TMOD3: variants seen among roughly 807,000 people sequenced by gnomAD.
TMOD3 encodes tropomodulin-3.
In TMOD3, 20 loss-of-function variants were observed where a neutral mutation model predicts 39.2. The ratio of observed to expected loss-of-function variants is 0.51; its 90% CI spans 0.36 to 0.74. The LOEUF (loss-of-function observed/expected upper bound fraction) is 0.74, where lower values mean the gene tolerates loss of function less well. TMOD3 is among the 30% of genes least tolerant of loss of function. The probability of loss-of-function intolerance (pLI) is 0.00; values close to 1 mark genes in which losing one functional copy is unlikely to be tolerated. For synonymous variants in TMOD3, 143 were observed against 145.8 expected, an observed-to-expected ratio of 0.98 and a Z score of 0.14; for missense variants, 381 against 412.8, an observed-to-expected ratio of 0.92 and a Z score of 0.67.
chr15:51,842,805 A>G (rs1345120106), intron 1 of TMOD3, among the ~76,000 whole-genome samples: 1 of 152,168 alleles, frequency 6.6e-6, no homozygotes, highest in Admixed American at 6.5e-5. Context: ...TACATTATGC[A>G]AATTTTAGGC....
intron 2 of TMOD3, 128 bp downstream of exon 2, chr15:51,863,138 A>G (rs576484573): frequency 1.0e-6 from 1 of 983,498 alleles, no homozygotes; most frequent in Non-Finnish European, 1.5e-6. Flanking sequence ...TATCCAAATC[A>G]AGTTGCTTTT....
rs1220263151 is a variant in TMOD3, at chr15:51,914,142, TA to T, written c.*5337del. The T allele has an allele frequency of 6.6e-6, 1 of 152,046 alleles. No individual in the cohort carries two copies. The highest frequency in any genetic ancestry group is 2.4e-5 in the African/African-American group (1 of 41,278). The allele number at this position is 152,046 out of a possible 1,614,324, so 9.4% of individuals were successfully genotyped here. A position where few individuals can be genotyped will look rare whatever the true frequency, so the allele number is the denominator to read the frequency against. ...CAAGACCCCATCTTTACAAAAAATTTAAAAATTAGCCAGACACCTATAGTAC... is the reference window on the plus strand; with the variant it reads ...CAAGACCCCATCTTTACAAAAAATTTAAAATTAGCCAGACACCTATAGTAC... On this transcript the variant is annotated 3_prime_UTR_variant, in exon 10 of 10. Coordinates refer to ENST00000308580, the MANE Select transcript of TMOD3 (RefSeq NM_014547.5).
At chr15:51,887,497 A>G (rs1004460963) in intron 3 of TMOD3, 92 bp from the exon 4 acceptor site, 6 of 1,281,486 alleles carry the variant, frequency 4.7e-6, no homozygotes, top group Non-Finnish European at 6.4e-6. Context: ...CTTTTCCTTC[A>G]GGTTCAGTTG....
chr15:51,879,856 T>TCACACACACACGCA (rs2056523893), intron 3 of TMOD3, among the ~76,000 whole-genome samples: 1 of 142,558 alleles, frequency 7.0e-6, no homozygotes, highest in Admixed American at 7.1e-5. Flanking sequence ...TCTCTGTCTT[T>TCACACACACACGCA]CACACACACA....
chr15:51,883,915 A>G (rs2056547110), intron 3 of TMOD3, among the ~76,000 whole-genome samples: 1 of 152,210 alleles, frequency 6.6e-6, no homozygotes, highest in African/African-American at 2.4e-5. Context: ...TTTAATTGTA[A>G]TCTCAACCAC....
chr15:51,859,264 G>A (rs1168524307), intron 1 of TMOD3: 18 of 739,800 alleles, frequency 2.4e-5, no homozygotes, highest in South Asian at 1.2e-4. Flanking sequence ...TTCATTGCTC[G>A]CCAGTAGATC....
At chr15:51,885,492 C>A (rs1383814355) in intron 3 of TMOD3, among the ~76,000 whole-genome samples, 2 of 152,078 alleles carry the variant, frequency 1.3e-5, no homozygotes, top group Non-Finnish European at 2.9e-5. Context: ...GGTGATGACT[C>A]TCAACGAGCA....
At chr15:51,886,751 A>G (rs2056566547) in intron 3 of TMOD3, among the ~76,000 whole-genome samples, 1 of 152,168 alleles carries the variant, frequency 6.6e-6, no homozygotes, top group Non-Finnish European at 1.5e-5. Flanking sequence ...TAGAGTAACT[A>G]GTTTCTTAAT....
At chr15:51,888,222 G>A (rs1033238699) in intron 4 of TMOD3, among the ~76,000 whole-genome samples, 2 of 152,166 alleles carry the variant, frequency 1.3e-5, no homozygotes, top group African/African-American at 2.4e-5. Flanking sequence ...ATCTAGACCA[G>A]TATCTTCCCC....
chr15:51,830,105 GCGCCCGGGTT>G (rs1426320012), intron 1 of TMOD3, among the ~76,000 whole-genome samples: 1 of 152,120 alleles, frequency 6.6e-6, no homozygotes, highest in Non-Finnish European at 1.5e-5. Context: ...CGCGGCCCGG[GCGCCCGGGTT>G]CGGGACCGGC....
At position 51,886,897 on chromosome 15, in the gene TMOD3, T is replaced by C. The variant is rs145662961; in HGVS notation, c.284-692T>C. 6.0e-3 allele frequency among the ~76,000 whole-genome samples: 914 copies of C among 152,290 alleles called. 9 individuals are homozygous for C. The highest frequency in any genetic ancestry group is 0.021 in the African/African-American group (868 of 41,570). On this transcript the variant is annotated intron_variant, in intron 3 of 9. Transcript: ENST00000308580. ...TCATAATTGTCTCTGCTATCCCCCATGTGACAATAACAGTTTGTTGCTTAA... is the reference window on the plus strand; with the variant it reads ...TCATAATTGTCTCTGCTATCCCCCACGTGACAATAACAGTTTGTTGCTTAA...
At chr15:51,878,231 C>G (rs925481190) in intron 3 of TMOD3, among the ~76,000 whole-genome samples, 1 of 152,202 alleles carries the variant, frequency 6.6e-6, no homozygotes, top group African/African-American at 2.4e-5. Context: ...TGGCCAGTGT[C>G]TTGAAAACTG....
rs531338774 is a variant in TMOD3 at position 51,881,433 on chromosome 15, T to C, written c.284-6156T>C. Among the ~76,000 whole-genome samples, 57 of 152,254 alleles carry C rather than the reference T, an allele frequency of 3.7e-4. 1 individual carries two copies. Among genetic ancestry groups the C allele is most frequent in the Middle Eastern group, 6.8e-3 (2 of 294 alleles). On this transcript the variant is annotated intron_variant, in intron 3 of 9. Coordinates refer to ENST00000308580, the MANE Select transcript of TMOD3 (RefSeq NM_014547.5). The stretch of plus-strand genomic sequence containing the variant: ...ATGGTATAATTTGCCCCACAAAAGT[T>C]TTTAATTTTGATGTAGTACAATTTA...
At chr15:51,853,940 T>C (rs916284725) in intron 1 of TMOD3, among the ~76,000 whole-genome samples, 11 of 152,056 alleles carry the variant, frequency 7.2e-5, no homozygotes, top group African/African-American at 2.7e-4. Flanking sequence ...CAGTTGAGGA[T>C]AGAGGTAGAT....
At chr15:51,836,939 A>C (rs2056287742) in intron 1 of TMOD3, among the ~76,000 whole-genome samples, 1 of 152,086 alleles carries the variant, frequency 6.6e-6, no homozygotes, top group Admixed American at 6.6e-5. Context: ...CCTACAAATA[A>C]ACAGTTTCAT....
intron 3 of TMOD3, chr15:51,875,225 G>T (rs2056495984): frequency 6.6e-6 from 1 of 152,112 alleles, no homozygotes; most frequent in African/African-American, 2.4e-5. Context: ...ACATCAAGAG[G>T]ATTACATAAC....
intron 1 of TMOD3, chr15:51,859,089 C>T (rs1288995905): frequency 1.9e-6 from 1 of 513,138 alleles, no homozygotes; most frequent in Non-Finnish European, 3.6e-6. Flanking sequence ...ATCTTGTCTG[C>T]CATCGATGAA....
intron 1 of TMOD3, among the ~76,000 whole-genome samples, chr15:51,845,455 C>A (rs900990964): frequency 6.6e-6 from 1 of 152,160 alleles, no homozygotes; most frequent in Non-Finnish European, 1.5e-5. Context: ...TAGACTTTTT[C>A]TCCTGAAGAA....
At chr15:51,869,112 G>C (rs928279727) in intron 2 of TMOD3, 105 bp from the exon 3 acceptor site, 1 of 1,260,226 alleles carries the variant, frequency 7.9e-7, no homozygotes, top group Non-Finnish European at 1.1e-6. Context: ...TTTAGTGCCT[G>C]TATCACATTC....
Sources: allele counts gnomAD v4.1 joint callset (sites outside exome capture counted in the v4.1 genomes callset), GRCh38; gene constraint gnomAD v4.1.1; transcripts MANE v1.5; gene names NCBI Gene and HGNC (gene_info 2026-07-23, HGNC 2026-07-21).